Variants in RNF216 observed in about 807,000 individuals in gnomAD.
RNF216 encodes the protein ring finger protein 216.
RNF216 carries 72 observed loss-of-function variants against 110.8 expected under a neutral mutation model. The observed-to-expected ratio is 0.65, with a 90% confidence interval of 0.54 to 0.79. The LOEUF is 0.79. RNF216 is among the 30% of genes least tolerant of loss of function. RNF216 has a pLI of 0.00. For missense variants in RNF216, 1,342 were observed against 1,141.2 expected (o/e 1.18, Z -2.54); for synonymous variants, 495 against 407.5 (o/e 1.21, Z -2.59).
At chr7:5,701,248 C>T (rs749046665) in intron 13 of RNF216, among the ~76,000 whole-genome samples, 2 of 152,190 alleles carry the variant, frequency 1.3e-5, no homozygotes, top group Admixed American at 6.5e-5. Context: ...AAAATCTACC[C>T]CTTTACATGG....
chr7:5,744,835 G>C (rs747754554), intron 3 of RNF216, among the ~76,000 whole-genome samples: 2 of 152,082 alleles, frequency 1.3e-5, no homozygotes, highest in Non-Finnish European at 2.9e-5. Flanking sequence ...AGCTGGGAGT[G>C]GTAGCGCATG....
chr7:5,708,111 G>T (rs1644235678), intron 13 of RNF216, among the ~76,000 whole-genome samples: 1 of 152,072 alleles, frequency 6.6e-6, no homozygotes, highest in Admixed American at 6.6e-5. Context: ...AAAGATACTT[G>T]GTATGATTTT....
intron 13 of RNF216, among the ~76,000 whole-genome samples, chr7:5,669,225 C>A (rs1051982427): frequency 6.6e-6 from 1 of 152,210 alleles, no homozygotes; most frequent in African/African-American, 2.4e-5. Flanking sequence ...CTGACAAGAT[C>A]TCTGATTCCG....
chr7:5,711,645 G>A lies in RNF216; in HGVS notation c.2061+116C>T. The A allele has an allele frequency of 3.8e-6, 3 of 791,380 alleles. No homozygotes were observed. The South Asian group carries it at 4.8e-5, about 13-fold the overall frequency. The allele number at this position is 791,380 out of a possible 1,614,324, so 49.0% of individuals were successfully genotyped here. A position where few individuals can be genotyped will look rare whatever the true frequency, so the allele number is the denominator to read the frequency against. On this transcript the variant is annotated intron_variant, in intron 13 of 16. Transcript: ENST00000389902. ...TCCTCATTTGCTTATGAAAAGGAAA[G>A]CACTCAAATCCTTCTTATACATCAG... is the stretch of plus-strand genomic sequence containing the variant.
intron 15 of RNF216, among the ~76,000 whole-genome samples, chr7:5,633,389 A>G (rs1276179261): frequency 6.6e-6 from 1 of 151,958 alleles, no homozygotes; most frequent in Non-Finnish European, 1.5e-5. Context: ...CAGTCTGATC[A>G]ACACGGTGAA....
chr7:5,708,297 C>A (rs1792430239), intron 13 of RNF216, among the ~76,000 whole-genome samples: 1 of 152,156 alleles, frequency 6.6e-6, no homozygotes, highest in African/African-American at 2.4e-5. Flanking sequence ...AATCTTCTGC[C>A]TGGTGGTGCT....
At chr7:5,635,988 T>G (rs970954296) in intron 15 of RNF216, among the ~76,000 whole-genome samples, 1 of 152,246 alleles carries the variant, frequency 6.6e-6, no homozygotes, top group Non-Finnish European at 1.5e-5. Flanking sequence ...CTGTAGTTTC[T>G]CGTAGCCAAA....
At chr7:5,779,534 T>G (rs1174508107) in intron 1 of RNF216, among the ~76,000 whole-genome samples, 1 of 151,890 alleles carries the variant, frequency 6.6e-6, no homozygotes, top group African/African-American at 2.4e-5. Flanking sequence ...CTTCTCTCCC[T>G]TCTCAGCGCG....
At chr7:5,658,000 TC>T (rs1379691123) in intron 13 of RNF216, among the ~76,000 whole-genome samples, 2 of 152,142 alleles carry the variant, frequency 1.3e-5, no homozygotes, top group African/African-American at 4.8e-5. Context: ...GAGTTACATA[TC>T]GGGGCAAATC....
At chr7:5,673,486 C>T (rs1790059561) in intron 13 of RNF216, among the ~76,000 whole-genome samples, 1 of 152,170 alleles carries the variant, frequency 6.6e-6, no homozygotes, top group African/African-American at 2.4e-5. Context: ...CTGCAGGTTC[C>T]AACTGGGGGT....
rs1241823017 is a variant in RNF216, at chr7:5,722,364, CTCA to C, written c.1505-1195_1505-1193del. Among the ~76,000 whole-genome samples, 53 of 67,186 alleles carry C rather than the reference CTCA, an allele frequency of 7.9e-4. 1 individual carries two copies. The highest frequency in any genetic ancestry group is 1.6e-3 in the Admixed American group (7 of 4,496). 44.1% of individuals were successfully genotyped at this position (67,186 alleles called of 152,430 possible). A position where few individuals can be genotyped will look rare whatever the true frequency, so the allele number is the denominator to read the frequency against. ...TGATTCTCCTTTTCTCTTGCTCATTCTCATGTTTTTTTTTTTGTTTGTTTGTTT... is the reference window on the plus strand; with the variant it reads ...TGATTCTCCTTTTCTCTTGCTCATTCTGTTTTTTTTTTTGTTTGTTTGTTT... On this transcript the variant is annotated intron_variant, in intron 8 of 16. Transcript: ENST00000389902.
At chr7:5,771,322 T>C (rs1386167557) in intron 1 of RNF216, among the ~76,000 whole-genome samples, 1 of 151,534 alleles carries the variant, frequency 6.6e-6, no homozygotes, top group African/African-American at 2.4e-5. Flanking sequence ...TAACACAAAA[T>C]CTCCACAATC....
chr7:5,715,650 A>G (rs985772987), intron 10 of RNF216, among the ~76,000 whole-genome samples: 11 of 152,016 alleles, frequency 7.2e-5, no homozygotes, highest in Admixed American at 6.6e-5. Flanking sequence ...TATTGAAGCT[A>G]TAACTAAAGC....
chr7:5,678,709 A>G (rs1227323094), intron 13 of RNF216, among the ~76,000 whole-genome samples: 2 of 152,238 alleles, frequency 1.3e-5, no homozygotes, highest in African/African-American at 4.8e-5. Flanking sequence ...CCCTCCAAGC[A>G]CGCTTCCAGG....
At chr7:5,632,536 G>A (rs1787135993) in intron 15 of RNF216, among the ~76,000 whole-genome samples, 1 of 152,232 alleles carries the variant, frequency 6.6e-6, no homozygotes, top group Non-Finnish European at 1.5e-5. Context: ...TCAGGCCAGG[G>A]TAGAAGTTAG....
chr7:5,643,848 C>T (rs924923485), intron 14 of RNF216, among the ~76,000 whole-genome samples: 3 of 152,120 alleles, frequency 2.0e-5, no homozygotes, highest in African/African-American at 7.2e-5. Flanking sequence ...TTCCTCCTTG[C>T]CCTGCAACCC....
At chr7:5,705,357 G>C (rs1792214866) in intron 13 of RNF216, among the ~76,000 whole-genome samples, 1 of 152,198 alleles carries the variant, frequency 6.6e-6, no homozygotes, top group South Asian at 2.1e-4. Context: ...GTCCAAACCA[G>C]ACACGCCTGT....
Position 5,722,372 on chromosome 7 carries a change from T to TG in RNF216, c.1505-1201_1505-1200insC, listed in dbSNP as rs757305899. Among the ~76,000 whole-genome samples, 3 of 149,872 alleles carry TG rather than the reference T, an allele frequency of 2.0e-5. No homozygotes were observed. In the South Asian group the frequency reaches 6.4e-4, roughly 32 times the overall value. ...CTTTTCTCTTGCTCATTCTCATGTT[T>TG]TTTTTTTTGTTTGTTTGTTTGTTTT... On this transcript the variant is annotated intron_variant, in intron 8 of 16. Transcript: ENST00000389902.
intron 13 of RNF216, among the ~76,000 whole-genome samples, chr7:5,653,181 A>C (rs886555276): frequency 6.6e-6 from 1 of 152,178 alleles, no homozygotes; most frequent in Non-Finnish European, 1.5e-5. Context: ...GTCACCCTTA[A>C]AAGTTTCACT....
Sources: allele counts gnomAD v4.1 joint callset (sites outside exome capture counted in the v4.1 genomes callset), GRCh38; gene constraint gnomAD v4.1.1; transcripts MANE v1.5; gene names NCBI Gene and HGNC (gene_info 2026-07-23, HGNC 2026-07-21).